Variants in DYM observed in about 807,000 individuals in gnomAD.
DYM encodes the protein dyggve-Melchior-Clausen syndrome protein.
A neutral mutation model predicts 93.1 loss-of-function variants in DYM; 78 were observed. That is an observed-to-expected ratio of 0.84 (90% confidence interval 0.70 to 1.01). DYM has a LOEUF of 1.01. Ranked by LOEUF, DYM falls within the 50% of genes least tolerant of loss-of-function variation. The pLI, the probability that DYM is intolerant of heterozygous loss-of-function variation, is 0.00. For synonymous variants in DYM, 321 were observed against 319.7 expected, an observed-to-expected ratio of 1.00 and a Z score of -0.04; for missense variants, 789 against 845.0, an observed-to-expected ratio of 0.93 and a Z score of 0.82.
intron 17 of DYM, among the ~76,000 whole-genome samples, chr18:49,092,610 G>T (rs555628965): frequency 3.9e-5 from 6 of 152,286 alleles, no homozygotes; most frequent in African/African-American, 1.4e-4. Context: ...GGTCAAAGTG[G>T]GGGTAAAATA....
At chr18:49,264,993 A>G (rs2094546999) in intron 11 of DYM, among the ~76,000 whole-genome samples, 1 of 152,250 alleles carries the variant, frequency 6.6e-6, no homozygotes, top group Non-Finnish European at 1.5e-5. Flanking sequence ...TACCACAGGT[A>G]TGAGAGGTGG....
At chr18:49,119,453 A>G (rs1210206080) in intron 15 of DYM, among the ~76,000 whole-genome samples, 3 of 152,254 alleles carry the variant, frequency 2.0e-5, no homozygotes, top group African/African-American at 7.2e-5. Flanking sequence ...AATAGTTGCC[A>G]AACAGTAAAG....
In DYM at chr18:49,333,986, G is replaced by A. The variant is rs886356419; in HGVS notation, c.495-133C>T. On this transcript the variant is annotated intron_variant, in intron 6 of 17. Transcript: ENST00000675505. Reference sequence around the variant, plus strand: ...TCAGGTTACTGAAAAATGTTAATACGTTTAATACAAAAATTAAGTCAAGCA... The same window carrying A: ...TCAGGTTACTGAAAAATGTTAATACATTTAATACAAAAATTAAGTCAAGCA... The A allele has an allele frequency of 2.8e-5, 27 of 961,536 alleles. No individual in the cohort carries two copies. The Middle Eastern group carries it at 1.0e-3, about 36-fold the overall frequency. 59.6% of individuals were successfully genotyped at this position (961,536 alleles called of 1,614,324 possible). A position where few individuals can be genotyped will look rare whatever the true frequency, so the allele number is the denominator to read the frequency against.
At chr18:49,327,427 GCA>G (rs1187364912) in intron 8 of DYM, among the ~76,000 whole-genome samples, 1 of 151,986 alleles carries the variant, frequency 6.6e-6, no homozygotes, top group Non-Finnish European at 1.5e-5. Context: ...CGTGATCACA[GCA>G]CACTGCAGCC....
At position 49,257,027 on chromosome 18, in the gene DYM, A is replaced by T; in HGVS notation, c.1443T>A (p.Ala481=). The T allele has an allele frequency of 6.2e-7, 1 of 1,613,690 alleles. No individual in the cohort carries two copies. Among genetic ancestry groups the T allele is most frequent in the Non-Finnish European group, 8.5e-7 (1 of 1,179,616 alleles). ...SAQFRSLHQY[A]AQRIISYTCR... is the part of the protein sequence containing the mutation. ...ATATTTACCTGATGATCCTCTGGGC[A>T]GCATACTGATGGAGAGAACGAAACT... Residue 481 remains alanine, a synonymous_variant, in exon 13 of 18, where the codon GCT becomes GCA. Transcript: ENST00000675505.
chr18:49,424,981 T>C (rs571067184), intron 2 of DYM, among the ~76,000 whole-genome samples: 3 of 152,132 alleles, frequency 2.0e-5, no homozygotes, highest in African/African-American at 2.4e-5. Context: ...AGGTAATTTG[T>C]AGATTCAATG....
chr18:49,381,535 C>T (rs187336747), intron 3 of DYM, among the ~76,000 whole-genome samples: 150 of 152,246 alleles, frequency 9.9e-4, no homozygotes, highest in African/African-American at 3.4e-3. Context: ...GTTCAGAATC[C>T]CAGGTCCACC....
At chr18:49,217,770 G>A (rs1438208364) in intron 13 of DYM, among the ~76,000 whole-genome samples, 1 of 152,146 alleles carries the variant, frequency 6.6e-6, no homozygotes, top group Non-Finnish European at 1.5e-5. Flanking sequence ...AACATGGAAA[G>A]GAACAAACCG....
At chr18:49,284,881 A>C (rs1472454859) in intron 9 of DYM, among the ~76,000 whole-genome samples, 6 of 152,180 alleles carry the variant, frequency 3.9e-5, no homozygotes, top group Non-Finnish European at 8.8e-5. Context: ...TCATGTTGAA[A>C]TTTAATCTCC....
chr18:49,393,177 T>A (rs1035311378), intron 2 of DYM, among the ~76,000 whole-genome samples: 10 of 149,324 alleles, frequency 6.7e-5, no homozygotes, highest in African/African-American at 2.5e-4. Flanking sequence ...AAAAAGAAAG[T>A]AACAAGTGTT....
chr18:49,222,701 G>A (rs2093408509), intron 13 of DYM, among the ~76,000 whole-genome samples: 1 of 152,112 alleles, frequency 6.6e-6, no homozygotes, highest in African/African-American at 2.4e-5. Flanking sequence ...CCAAAGGCAT[G>A]AAACTCTAGT....
intron 2 of DYM, among the ~76,000 whole-genome samples, chr18:49,392,681 TAAAAAA>T (rs869086187): frequency 0.1 from 7,007 of 68,444 alleles, 389 homozygotes; most frequent in East Asian, 0.35. Context: ...GGCTTTTATT[TAAAAAA>T]AAAAAAAAAA....
chr18:49,136,486 G>C (rs1029125136), intron 15 of DYM, among the ~76,000 whole-genome samples: 3 of 151,966 alleles, frequency 2.0e-5, no homozygotes, highest in Admixed American at 6.6e-5. Flanking sequence ...TATTTATAAG[G>C]GTCTGACTTA....
rs1041302400 is a variant in DYM at position 49,042,472 on chromosome 18, T to G, written c.*1583A>C. On this transcript the variant is annotated 3_prime_UTR_variant, in exon 18 of 18. Transcript: ENST00000675505. ...GTGTGGAGCCCACACAGTGGTGCAC[T>G]GAGAGGCTGCCAGTGTTTTGACCTT... 1 of 152,272 alleles carries G rather than the reference T, an allele frequency of 6.6e-6. No individual in the cohort carries two copies. The highest frequency in any genetic ancestry group is 1.5e-5 in the Non-Finnish European group (1 of 68,088). 9.4% of individuals were successfully genotyped at this position (152,272 alleles called of 1,614,324 possible). A position where few individuals can be genotyped will look rare whatever the true frequency, so the allele number is the denominator to read the frequency against.
chr18:49,258,820 ACAG>A (rs2094438228), intron 11 of DYM, among the ~76,000 whole-genome samples: 1 of 136,602 alleles, frequency 7.3e-6, no homozygotes, highest in South Asian at 2.7e-4. Context: ...ACACACACAC[ACAG>A]AGACACACAC....
rs74745104 is a variant in DYM, at chr18:49,429,824, C to T, written c.140+431G>A. Among the ~76,000 whole-genome samples, 21 of 152,204 alleles carry T rather than the reference C, an allele frequency of 1.4e-4. No homozygotes were observed. The East Asian group carries it at 4.1e-3, about 29-fold the overall frequency. ...AACAGAAAAACCAATTAAATATATTCTACAGATACTCCACAGCCATTAAAA... is the reference window on the plus strand; with the variant it reads ...AACAGAAAAACCAATTAAATATATTTTACAGATACTCCACAGCCATTAAAA... On this transcript the variant is annotated intron_variant, in intron 2 of 17. Transcript: ENST00000675505.
At chr18:49,140,930 T>C (rs1256001935) in intron 15 of DYM, among the ~76,000 whole-genome samples, 1 of 152,194 alleles carries the variant, frequency 6.6e-6, no homozygotes, top group Non-Finnish European at 1.5e-5. Flanking sequence ...AAATCCAATG[T>C]ATGTGTTTTA....
intron 15 of DYM, among the ~76,000 whole-genome samples, chr18:49,156,724 C>T (rs1305402910): frequency 7.7e-6 from 1 of 130,552 alleles, no homozygotes; most frequent in African/African-American, 3.1e-5. Context: ...AGAGTGAAAA[C>T]GCTGTCTCAA....
intron 6 of DYM, among the ~76,000 whole-genome samples, chr18:49,348,000 T>C (rs930855022): frequency 7.2e-5 from 11 of 152,308 alleles, no homozygotes; most frequent in African/African-American, 2.6e-4. Flanking sequence ...AACAAACCAC[T>C]GCTGGAGCAA....
Sources: gnomAD v4.1 joint callset for allele counts (sites outside exome capture counted in the v4.1 genomes callset) on GRCh38, gnomAD v4.1.1 for gene constraint, MANE v1.5 for transcripts, NCBI Gene and HGNC (gene_info 2026-07-23, HGNC 2026-07-21) for gene names.